NOS1AP: variants seen among roughly 807,000 people sequenced by gnomAD.
NOS1AP encodes the protein nitric oxide synthase 1 adaptor protein, also known as carboxyl-terminal PDZ ligand of neuronal nitric oxide synthase protein.
In NOS1AP, 21 loss-of-function variants were observed where a neutral mutation model predicts 56.2. The ratio of observed to expected loss-of-function variants is 0.37; its 90% CI spans 0.26 to 0.54. The LOEUF is 0.54. NOS1AP is among the 20% of genes least tolerant of loss of function. The pLI is 0.84. For synonymous variants in NOS1AP, 270 were observed against 274.6 expected, an observed-to-expected ratio of 0.98 and a Z score of 0.17; for missense variants, 522 against 657.8, an observed-to-expected ratio of 0.79 and a Z score of 2.26.
At chr1:162,291,379 T>A (rs150103802) in intron 3 of NOS1AP, among the ~76,000 whole-genome samples, 80 of 152,318 alleles carry the variant, frequency 5.3e-4, no homozygotes, top group African/African-American at 1.9e-3. Flanking sequence ...AATAATGTCA[T>A]TAAATTATGA....
intron 4 of NOS1AP, among the ~76,000 whole-genome samples, chr1:162,321,182 T>C (rs1656402103): frequency 1.3e-5 from 2 of 152,198 alleles, no homozygotes; most frequent in African/African-American, 4.8e-5. Context: ...ATTTGTTGAG[T>C]AGGGAATCCT....
At chr1:162,130,443 G>A (rs546289300) in intron 1 of NOS1AP, among the ~76,000 whole-genome samples, 7 of 152,322 alleles carry the variant, frequency 4.6e-5, no homozygotes, top group African/African-American at 1.4e-4. Context: ...GCTGTTAAGA[G>A]CTTTAGTATT....
chr1:162,261,150 A>AGAGAGAGAGAGAGAGAGAGAGAGAGAG (rs1557853412), intron 2 of NOS1AP, among the ~76,000 whole-genome samples: 3 of 139,458 alleles, frequency 2.2e-5, no homozygotes, highest in African/African-American at 8.2e-5. Flanking sequence ...TGGCAGAAAC[A>AGAGAGAGAGAGAGAGAGAGAGAGAGAG]ACCAGTAAAT....
chr1:162,248,650 C>T (rs966955359), intron 2 of NOS1AP, among the ~76,000 whole-genome samples: 7 of 152,124 alleles, frequency 4.6e-5, no homozygotes, highest in African/African-American at 1.4e-4. Flanking sequence ...TGATGAGCCT[C>T]ACAACTGAAT....
At chr1:162,321,216 G>C (rs1382769939) in intron 4 of NOS1AP, among the ~76,000 whole-genome samples, 1 of 152,106 alleles carries the variant, frequency 6.6e-6, no homozygotes, top group African/African-American at 2.4e-5. Flanking sequence ...GTTTTTGTCA[G>C]GTTTGTCAAA....
At chr1:162,190,341 T>G (rs1651580643) in intron 2 of NOS1AP, among the ~76,000 whole-genome samples, 1 of 128,694 alleles carries the variant, frequency 7.8e-6, no homozygotes, top group African/African-American at 3.6e-5. Context: ...CTTTCTTCTC[T>G]GAACACATTT....
chr1:162,347,430 A>G (rs1314743752), intron 6 of NOS1AP, among the ~76,000 whole-genome samples: 2 of 152,230 alleles, frequency 1.3e-5, no homozygotes, highest in Non-Finnish European at 2.9e-5. Flanking sequence ...CCAGAGGTTG[A>G]ATGTTTGAAC....
chr1:162,174,158 C>G (rs113050069), intron 2 of NOS1AP, among the ~76,000 whole-genome samples: 3,351 of 152,056 alleles, frequency 0.022, 120 homozygotes, highest in African/African-American at 0.077. Context: ...TGGAACCAAC[C>G]CAAATGTCCA....
At chr1:162,209,503 T>C (rs1404208432) in intron 2 of NOS1AP, among the ~76,000 whole-genome samples, 1 of 152,176 alleles carries the variant, frequency 6.6e-6, no homozygotes, top group Non-Finnish European at 1.5e-5. Context: ...TTCTGCTAAG[T>C]GTCTATGAGG....
chr1:162,300,511 C>A, intron 3 of NOS1AP, 122 bp from the exon 4 acceptor site: 2 of 832,070 alleles, frequency 2.4e-6, no homozygotes, highest in Non-Finnish European at 4.2e-6. Context: ...CAATCAACTC[C>A]AGGCCTCTTA....
At chr1:162,228,748 A>T (rs1653023054) in intron 2 of NOS1AP, among the ~76,000 whole-genome samples, 2 of 152,216 alleles carry the variant, frequency 1.3e-5, no homozygotes, top group Admixed American at 1.3e-4. Context: ...GAGGAAGATA[A>T]CATCGTTCAG....
intron 4 of NOS1AP, among the ~76,000 whole-genome samples, chr1:162,310,490 T>C (rs1014433897): frequency 6.6e-6 from 1 of 152,270 alleles, no homozygotes; most frequent in Admixed American, 6.5e-5. Context: ...ATCTGGCGGA[T>C]ATGAGTGTCC....
At position 162,184,646 on chromosome 1, in the gene NOS1AP, C is replaced by T. The variant is rs574324723; in HGVS notation, c.177+30170C>T. ...TTACTCTTTCCACCACATCGTGGGA[C>T]GTTCTAACATCCTTTCTCCTCCACC... On this transcript the variant is annotated intron_variant, in intron 2 of 9. Coordinates refer to ENST00000361897, the MANE Select transcript of NOS1AP (RefSeq NM_014697.3). Among the ~76,000 whole-genome samples, 30 of 152,248 alleles carry T rather than the reference C, an allele frequency of 2.0e-4. 1 individual carries two copies. The highest frequency in any genetic ancestry group is 4.1e-4 in the South Asian group (2 of 4,820).
At chr1:162,291,025 C>CA (rs11292339) in intron 3 of NOS1AP, among the ~76,000 whole-genome samples, 1,471 of 144,196 alleles carry the variant, frequency 0.01, 23 homozygotes, top group African/African-American at 0.033. Context: ...ACTGGACTAT[C>CA]AAAAAAAAAA....
chr1:162,216,721 C>T (rs1652580446), intron 2 of NOS1AP, among the ~76,000 whole-genome samples: 1 of 152,064 alleles, frequency 6.6e-6, no homozygotes, highest in Non-Finnish European at 1.5e-5. Context: ...GAAGTATAAA[C>T]ATTGTGATAA....
chr1:162,302,786 C>CTTCTCTCCTCAT (rs1299482974), intron 4 of NOS1AP, among the ~76,000 whole-genome samples: 4 of 152,052 alleles, frequency 2.6e-5, no homozygotes, highest in African/African-American at 9.7e-5. Context: ...TTTTGTAACC[C>CTTCTCTCCTCAT]TTCTCTCCTC....
At chr1:162,139,537 G>T (rs1479480962) in intron 1 of NOS1AP, among the ~76,000 whole-genome samples, 1 of 152,184 alleles carries the variant, frequency 6.6e-6, no homozygotes, top group Non-Finnish European at 1.5e-5. Context: ...TATGGAGGGA[G>T]TGTTGAAAAG....
intron 2 of NOS1AP, among the ~76,000 whole-genome samples, chr1:162,192,321 C>T (rs1651672173): frequency 6.6e-6 from 1 of 152,170 alleles, no homozygotes; most frequent in East Asian, 1.9e-4. Flanking sequence ...AAAGTTGCTA[C>T]TCTGCAGATT....
chr1:162,209,223 C>G (rs1040752257), intron 2 of NOS1AP, among the ~76,000 whole-genome samples: 7 of 152,174 alleles, frequency 4.6e-5, no homozygotes, highest in Admixed American at 3.9e-4. Context: ...AGAAATATTT[C>G]TGGTGCCCCT....
Sources: allele counts gnomAD v4.1 joint callset (sites outside exome capture counted in the v4.1 genomes callset), GRCh38; gene constraint gnomAD v4.1.1; transcripts MANE v1.5; gene names NCBI Gene and HGNC (gene_info 2026-07-23, HGNC 2026-07-21).